The following TBC1D22A variants were observed in gnomAD, a reference collection of about 807,000 sequenced individuals.
The protein encoded by TBC1D22A is TBC1 domain family member 22A, also known as putative GTPase activator.
Under a neutral mutation model 60.2 loss-of-function variants are expected in TBC1D22A, and 38 were observed. That is an observed-to-expected ratio of 0.63 (90% confidence interval 0.49 to 0.83). The LOEUF (loss-of-function observed/expected upper bound fraction) is 0.83. TBC1D22A is among the 40% of genes least tolerant of loss of function. TBC1D22A has a pLI of 0.00. For missense variants in TBC1D22A, 628 were observed against 701.0 expected (o/e 0.90, Z 1.18); for synonymous variants, 302 against 281.7 (o/e 1.07, Z -0.72).
rs540057123 is a variant in TBC1D22A at position 46,913,841 on chromosome 22, G to A, written c.1015+1653G>A. On this transcript the variant is annotated intron_variant, in intron 8 of 12. Transcript: ENST00000337137. ...GACCTAAGCGATTCTTAATGCATTT[G>A]CCTGATTATCTGCAAGACAGGATGA... 2.7e-5 allele frequency: 23 copies of A among 855,162 alleles called. No homozygotes were observed. In the African/African-American group the frequency reaches 4.2e-4, roughly 16 times the overall value. 53.0% of individuals were successfully genotyped at this position (855,162 alleles called of 1,614,324 possible). A position where few individuals can be genotyped will look rare whatever the true frequency, so the allele number is the denominator to read the frequency against.
At chr22:47,081,655 A>C (rs1281179908) in intron 11 of TBC1D22A, among the ~76,000 whole-genome samples, 1 of 152,254 alleles carries the variant, frequency 6.6e-6, no homozygotes, top group Non-Finnish European at 1.5e-5. Context: ...TCTGTATATT[A>C]GCAATAAACA....
At chr22:46,935,958 C>A (rs1004854915) in intron 8 of TBC1D22A, among the ~76,000 whole-genome samples, 3 of 152,218 alleles carry the variant, frequency 2.0e-5, no homozygotes, top group Non-Finnish European at 2.9e-5. Context: ...CTCCTGGCCC[C>A]TCCTCTGAAC....
intron 4 of TBC1D22A, among the ~76,000 whole-genome samples, chr22:46,804,159 T>G (rs2085028582): frequency 6.6e-6 from 1 of 152,190 alleles, no homozygotes; most frequent in South Asian, 2.1e-4. Context: ...CCCCCGTGGC[T>G]TCCCCCACAT....
intron 12 of TBC1D22A, among the ~76,000 whole-genome samples, chr22:47,166,514 G>A (rs772597111): frequency 1.3e-5 from 2 of 152,250 alleles, no homozygotes; most frequent in East Asian, 3.8e-4. Context: ...GACCCGCCCT[G>A]TTTCAGACGC....
At chr22:46,841,729 GTTTATACGATGAATCA>G (rs2086780361) in intron 4 of TBC1D22A, among the ~76,000 whole-genome samples, 2 of 152,194 alleles carry the variant, frequency 1.3e-5, no homozygotes, top group African/African-American at 4.8e-5. Flanking sequence ...ATAAACTTTC[GTTTATACGATGAATCA>G]GTTCTAGGGA....
At chr22:46,840,733 C>CAA (rs140707678) in intron 4 of TBC1D22A, among the ~76,000 whole-genome samples, 1 of 90,824 alleles carries the variant, frequency 1.1e-5, no homozygotes. Context: ...ACTCTGTCTA[C>CAA]AAAAAAAAAA....
intron 4 of TBC1D22A, among the ~76,000 whole-genome samples, chr22:46,828,102 G>A (rs2086149177): frequency 6.6e-6 from 1 of 152,198 alleles, no homozygotes; most frequent in African/African-American, 2.4e-5. Flanking sequence ...AGGCCAGGGG[G>A]CTGCTCCACA....
intron 10 of TBC1D22A, among the ~76,000 whole-genome samples, chr22:47,035,346 C>T (rs918695474): frequency 1.3e-5 from 2 of 152,150 alleles, no homozygotes; most frequent in Admixed American, 6.5e-5. Flanking sequence ...GTCCAGGCAG[C>T]CTCCTGGAGG....
chr22:46,944,461 C>G (rs943612747), intron 8 of TBC1D22A, among the ~76,000 whole-genome samples: 1 of 152,154 alleles, frequency 6.6e-6, no homozygotes, highest in Admixed American at 6.5e-5. Flanking sequence ...TGCAGTGGCG[C>G]AATCTTGGCT....
chr22:47,022,449 A>C (rs2062123019), intron 10 of TBC1D22A, among the ~76,000 whole-genome samples: 1 of 152,032 alleles, frequency 6.6e-6, no homozygotes, highest in Admixed American at 6.5e-5. Context: ...CAGAACAGGG[A>C]GTCTGGGGAA....
At chr22:47,084,099 A>C (rs2064582883) in intron 11 of TBC1D22A, among the ~76,000 whole-genome samples, 1 of 152,258 alleles carries the variant, frequency 6.6e-6, no homozygotes, top group Non-Finnish European at 1.5e-5. Flanking sequence ...CGATCCAGGT[A>C]TTCCACACTT....
chr22:46,871,981 T>A (rs150275737), intron 4 of TBC1D22A, among the ~76,000 whole-genome samples: 2 of 152,220 alleles, frequency 1.3e-5, no homozygotes, highest in East Asian at 3.9e-4. Flanking sequence ...AGAGGAGACA[T>A]CACTACAGAT....
At chr22:47,166,376 A>G (rs1295863242) in intron 12 of TBC1D22A, among the ~76,000 whole-genome samples, 1 of 152,236 alleles carries the variant, frequency 6.6e-6, no homozygotes, top group Admixed American at 6.5e-5. Context: ...ATTAATTTTA[A>G]TAAAATATTT....
intron 4 of TBC1D22A, among the ~76,000 whole-genome samples, chr22:46,862,156 G>A (rs2087924984): frequency 6.6e-6 from 1 of 152,232 alleles, no homozygotes; most frequent in Non-Finnish European, 1.5e-5. Context: ...TAATGAGTGA[G>A]TGTGAAGATT....
chr22:46,853,647 C>A (rs553608923), intron 4 of TBC1D22A, among the ~76,000 whole-genome samples: 1 of 152,208 alleles, frequency 6.6e-6, no homozygotes, highest in Non-Finnish European at 1.5e-5. Context: ...ACCAAAGACA[C>A]CACATTTGCC....
intron 1 of TBC1D22A, among the ~76,000 whole-genome samples, chr22:46,778,218 A>G (rs1351434781): frequency 1.3e-5 from 2 of 151,422 alleles, no homozygotes; most frequent in African/African-American, 2.4e-5. Context: ...TGTAGATGTC[A>G]TTAGCACTCT....
chr22:47,044,627 T>C (rs1451142866), intron 11 of TBC1D22A, among the ~76,000 whole-genome samples: 1 of 152,186 alleles, frequency 6.6e-6, no homozygotes, highest in Non-Finnish European at 1.5e-5. Context: ...GTCGTAAGCT[T>C]TCCATGCCTG....
At chr22:47,164,566 G>A (rs932875461) in intron 12 of TBC1D22A, among the ~76,000 whole-genome samples, 2 of 152,196 alleles carry the variant, frequency 1.3e-5, no homozygotes, top group Non-Finnish European at 2.9e-5. Context: ...GCGGTCTCTC[G>A]GCCACAGAGG....
At chr22:47,167,091 G>C (rs952361908) in intron 12 of TBC1D22A, among the ~76,000 whole-genome samples, 1 of 152,266 alleles carries the variant, frequency 6.6e-6, no homozygotes, top group Non-Finnish European at 1.5e-5. Context: ...TTATGGATAA[G>C]TAAAAAATAA....
Sources: allele counts gnomAD v4.1 joint callset (sites outside exome capture counted in the v4.1 genomes callset), GRCh38; gene constraint gnomAD v4.1.1; transcripts MANE v1.5; gene names NCBI Gene and HGNC (gene_info 2026-07-23, HGNC 2026-07-21).